The following DLG2 variants were observed in gnomAD, a reference collection of about 807,000 sequenced individuals.
The protein encoded by DLG2 is disks large homolog 2.
A neutral mutation model predicts 132.5 loss-of-function variants in DLG2; 45 were observed. The ratio of observed to expected loss-of-function variants is 0.34; its 90% CI spans 0.27 to 0.44. The LOEUF is 0.44. Ranked by LOEUF, DLG2 falls within the 20% of genes least tolerant of loss-of-function variation. The probability of loss-of-function intolerance (pLI) is 1.00; values close to 1 mark genes in which losing one functional copy is unlikely to be tolerated. For missense variants in DLG2, 1,045 were observed against 1,196.9 expected (o/e 0.87, Z 1.87); for synonymous variants, 424 against 419.6 (o/e 1.01, Z -0.13).
chr11:83,613,605 TAATGTTA>T (rs2060410427), intron 19 of DLG2, among the ~76,000 whole-genome samples: 1 of 152,222 alleles, frequency 6.6e-6, no homozygotes, highest in African/African-American at 2.4e-5. Context: ...CTGAGTCAAC[TAATGTTA>T]AATGTGATTA....
chr11:83,818,697 T>A (rs190076775), intron 17 of DLG2, among the ~76,000 whole-genome samples: 13 of 152,266 alleles, frequency 8.5e-5, no homozygotes, highest in African/African-American at 3.1e-4. Flanking sequence ...ATGAAAGCTA[T>A]ATATATTTTT....
intron 3 of DLG2, among the ~76,000 whole-genome samples, chr11:85,554,839 C>T (rs1162716799): frequency 6.6e-6 from 1 of 151,610 alleles, no homozygotes; most frequent in Non-Finnish European, 1.5e-5. Context: ...ACTTTTGCAT[C>T]CTGACAACTG....
chr11:84,332,855 G>A (rs1222718357), intron 7 of DLG2, among the ~76,000 whole-genome samples: 5 of 152,134 alleles, frequency 3.3e-5, no homozygotes, highest in Admixed American at 1.3e-4. Context: ...CACTGGTATG[G>A]TTACTGTGCC....
At chr11:83,566,273 C>T (rs1363651630) in intron 19 of DLG2, among the ~76,000 whole-genome samples, 1 of 152,168 alleles carries the variant, frequency 6.6e-6, no homozygotes, top group Non-Finnish European at 1.5e-5. Context: ...GATCCATTTT[C>T]CTAATAGGTC....
At chr11:83,633,872 A>G (rs957908450) in intron 18 of DLG2, among the ~76,000 whole-genome samples, 1 of 151,932 alleles carries the variant, frequency 6.6e-6, no homozygotes, top group Admixed American at 6.6e-5. Context: ...AAATGTTACT[A>G]TTGGGAGAAA....
chr11:84,502,124 TTC>T (rs200343107), intron 7 of DLG2, among the ~76,000 whole-genome samples: 9 of 144,028 alleles, frequency 6.2e-5, no homozygotes, highest in East Asian at 2.0e-4. Context: ...CTTTCTCTCT[TTC>T]TCTCTTTCTC....
intron 19 of DLG2, among the ~76,000 whole-genome samples, chr11:83,543,227 C>G (rs902397932): frequency 2.0e-5 from 3 of 152,248 alleles, no homozygotes; most frequent in African/African-American, 7.2e-5. Context: ...ACCACCCCTG[C>G]CAAAGGCTCA....
At chr11:84,508,909 A>G (rs140948613) in intron 7 of DLG2, among the ~76,000 whole-genome samples, 67 of 152,336 alleles carry the variant, frequency 4.4e-4, no homozygotes, top group Middle Eastern at 3.4e-3. Flanking sequence ...GACTGAACAC[A>G]GGAATATGGA....
intron 3 of DLG2, among the ~76,000 whole-genome samples, chr11:85,311,342 C>T (rs1459276921): frequency 6.6e-6 from 1 of 152,152 alleles, no homozygotes; most frequent in East Asian, 1.9e-4. Context: ...TTAATCTTCA[C>T]AAACATTCTT....
intron 6 of DLG2, among the ~76,000 whole-genome samples, chr11:84,975,427 C>T (rs2054754465): frequency 6.6e-6 from 1 of 152,124 alleles, no homozygotes; most frequent in East Asian, 1.9e-4. Context: ...TTTGCATTTT[C>T]CTTTTACTTT....
intron 7 of DLG2, among the ~76,000 whole-genome samples, chr11:84,328,042 C>T (rs188068259): frequency 6.6e-6 from 1 of 152,158 alleles, no homozygotes; most frequent in Non-Finnish European, 1.5e-5. Flanking sequence ...CAACTCTTCC[C>T]GTTCTAGATC....
chr11:83,852,163 T>C (rs1415205387), intron 16 of DLG2, among the ~76,000 whole-genome samples: 1 of 152,218 alleles, frequency 6.6e-6, no homozygotes, highest in African/African-American at 2.4e-5. Flanking sequence ...AATACATTTC[T>C]GTTGTTTTAA....
At chr11:85,210,845 C>G (rs139249936) in intron 4 of DLG2, among the ~76,000 whole-genome samples, 272 of 152,206 alleles carry the variant, frequency 1.8e-3, no homozygotes, top group Admixed American at 2.7e-3. Flanking sequence ...CTTCCCTAAA[C>G]CTTCTTCCTT....
chr11:85,307,016 C>T (rs1307441661), intron 3 of DLG2, among the ~76,000 whole-genome samples: 3 of 152,144 alleles, frequency 2.0e-5, no homozygotes, highest in Admixed American at 1.3e-4. Context: ...AATGCAAAGG[C>T]TGCAAGGAGG....
intron 15 of DLG2, among the ~76,000 whole-genome samples, chr11:83,876,306 G>T (rs1212274132): frequency 7.2e-5 from 11 of 152,090 alleles, no homozygotes. Flanking sequence ...CGTGTACTTT[G>T]AGATGTTTAG....
At chr11:85,308,322 C>A (rs936642620) in intron 3 of DLG2, among the ~76,000 whole-genome samples, 2 of 151,432 alleles carry the variant, frequency 1.3e-5, no homozygotes, top group African/African-American at 2.4e-5. Flanking sequence ...ATCCTATTTA[C>A]CCCTTACCAT....
At chr11:83,779,640 C>T (rs1301713265) in intron 18 of DLG2, among the ~76,000 whole-genome samples, 1 of 152,130 alleles carries the variant, frequency 6.6e-6, no homozygotes, top group Non-Finnish European at 1.5e-5. Context: ...GCTTTAACAG[C>T]TATACCAATT....
intron 8 of DLG2, among the ~76,000 whole-genome samples, chr11:84,200,380 G>A (rs1002455135): frequency 2.0e-5 from 3 of 151,912 alleles, no homozygotes; most frequent in South Asian, 2.1e-4. Context: ...TTAGTCACCC[G>A]ACTAATTTTT....
chr11:84,295,517 C>A (rs1260929449), intron 7 of DLG2, among the ~76,000 whole-genome samples: 1 of 152,112 alleles, frequency 6.6e-6, no homozygotes, highest in Non-Finnish European at 1.5e-5. Flanking sequence ...TTCTTCTGAG[C>A]ACCATAATCC....
Sources: gnomAD v4.1 joint callset for allele counts (sites outside exome capture counted in the v4.1 genomes callset) on GRCh38, gnomAD v4.1.1 for gene constraint, MANE v1.5 for transcripts, NCBI Gene and HGNC (gene_info 2026-07-23, HGNC 2026-07-21) for gene names.